Variants in CSMD1 observed in about 807,000 individuals in gnomAD.
CSMD1 encodes the protein CUB and Sushi multiple domains 1.
In CSMD1, 213 loss-of-function variants were observed where a neutral mutation model predicts 417.5. That is an observed-to-expected ratio of 0.51 (90% CI 0.46 to 0.57). CSMD1 has a LOEUF of 0.57. CSMD1 is among the 20% of genes least tolerant of loss of function. CSMD1 has a pLI of 0.00. For missense variants in CSMD1, 6,923 were observed against 4,529.7 expected (o/e 1.53, Z -15.17); for synonymous variants, 2,862 against 1,736.8 (o/e 1.65, Z -16.11).
chr8:4,190,770 A>G (rs969017012), intron 3 of CSMD1, among the ~76,000 whole-genome samples: 10 of 152,184 alleles, frequency 6.6e-5, no homozygotes, highest in African/African-American at 2.4e-4. Context: ...CTATGCGGCC[A>G]TTATAAAATG....
At chr8:3,968,225 T>A (rs1472821189) in intron 5 of CSMD1, among the ~76,000 whole-genome samples, 1 of 151,760 alleles carries the variant, frequency 6.6e-6, no homozygotes, top group Non-Finnish European at 1.5e-5. Flanking sequence ...TAAAAAACAA[T>A]GTGCCATAAT....
chr8:4,744,135 C>T (rs1422509799), intron 1 of CSMD1, among the ~76,000 whole-genome samples: 2 of 152,276 alleles, frequency 1.3e-5, no homozygotes, highest in East Asian at 1.9e-4. Context: ...TGCTCAGGGA[C>T]GCCAATTTCT....
intron 2 of CSMD1, among the ~76,000 whole-genome samples, chr8:4,601,206 T>G (rs1047107862): frequency 2.0e-5 from 3 of 152,130 alleles, no homozygotes; most frequent in African/African-American, 7.2e-5. Flanking sequence ...CCCCCACACT[T>G]TGGCCGCCCA....
intron 5 of CSMD1, chr8:3,949,846 G>A (rs2129860824): frequency 2.2e-6 from 1 of 451,708 alleles, no homozygotes. Context: ...TGATTGAGGG[G>A]ATCCCTGGGG....
intron 1 of CSMD1, among the ~76,000 whole-genome samples, chr8:4,639,251 ATTTTT>A (rs34704649): frequency 9.9e-5 from 13 of 131,448 alleles, no homozygotes; most frequent in South Asian, 2.5e-4. Context: ...GTGGTTGTCA[ATTTTT>A]TTTTTTTTTT....
At chr8:3,391,034 T>C (rs565597606) in intron 17 of CSMD1, among the ~76,000 whole-genome samples, 1 of 152,330 alleles carries the variant, frequency 6.6e-6, no homozygotes, top group East Asian at 1.9e-4. Context: ...CTCTCTCTCA[T>C]GTATGCATCC....
chr8:4,905,572 C>T (rs1259068743), intron 1 of CSMD1, among the ~76,000 whole-genome samples: 1 of 152,074 alleles, frequency 6.6e-6, no homozygotes, highest in Non-Finnish European at 1.5e-5. Flanking sequence ...GTAATCCCAG[C>T]ACTTTGGGAG....
In CSMD1 at chr8:3,367,096, A is replaced by C. The variant is rs1313423187; in HGVS notation, c.3051T>G (p.Thr1017=). The change falls in exon 20 of 70, where the codon ACT becomes ACG. Residue 1017 remains threonine, a synonymous_variant. Transcript: ENST00000635120. ...AGTCTGATATAAACCGAAGCTGGGC[A>C]GTGAAGTTTCCAAACAGGCCTGCCT... The part of the protein sequence containing the change: ...TIKAGLFGNF[T]AQLRFISDFS... 3 of 1,613,786 alleles carry C rather than the reference A, an allele frequency of 1.9e-6. No homozygotes were observed. The highest frequency in any genetic ancestry group is 2.5e-6 in the Non-Finnish European group (3 of 1,179,862).
At chr8:4,873,160 T>C (rs865889894) in intron 1 of CSMD1, among the ~76,000 whole-genome samples, 5 of 152,142 alleles carry the variant, frequency 3.3e-5, no homozygotes, top group Middle Eastern at 3.2e-3. Context: ...TTGGTCCTGA[T>C]TCATTTCAAA....
At chr8:3,376,354 T>G (rs116704925) in intron 18 of CSMD1, among the ~76,000 whole-genome samples, 1 of 152,044 alleles carries the variant, frequency 6.6e-6, no homozygotes, top group Non-Finnish European at 1.5e-5. Context: ...CATATTTGAA[T>G]TGGGAAGGAA....
At chr8:4,050,604 T>C (rs572482140) in intron 3 of CSMD1, among the ~76,000 whole-genome samples, 13 of 152,232 alleles carry the variant, frequency 8.5e-5, no homozygotes, top group African/African-American at 2.9e-4. Context: ...AATTAAATTA[T>C]TGCTTACAAG....
chr8:4,463,966 T>C (rs1207010533), intron 2 of CSMD1, among the ~76,000 whole-genome samples: 7 of 152,106 alleles, frequency 4.6e-5, no homozygotes, highest in African/African-American at 1.7e-4. Flanking sequence ...CAATATGGGA[T>C]ATTGAAATTC....
At chr8:4,027,568 C>G (rs75547807) in intron 4 of CSMD1, among the ~76,000 whole-genome samples, 1 of 152,124 alleles carries the variant, frequency 6.6e-6, no homozygotes, top group Admixed American at 6.5e-5. Context: ...TCCATCATAA[C>G]TGCATGGTTC....
At chr8:4,745,057 A>C (rs553003611) in intron 1 of CSMD1, among the ~76,000 whole-genome samples, 1 of 152,288 alleles carries the variant, frequency 6.6e-6, no homozygotes, top group Admixed American at 6.5e-5. Flanking sequence ...TTTTTATATA[A>C]ATTTAGTTTT....
intron 5 of CSMD1, among the ~76,000 whole-genome samples, chr8:3,875,853 T>C (rs1453500334): frequency 1.3e-5 from 2 of 152,212 alleles, no homozygotes; most frequent in Non-Finnish European, 2.9e-5. Context: ...GATTGCCTTT[T>C]GGAAACACTA....
At chr8:4,097,871 G>A (rs28526725) in intron 3 of CSMD1, among the ~76,000 whole-genome samples, 7 of 152,114 alleles carry the variant, frequency 4.6e-5, no homozygotes, top group African/African-American at 1.2e-4. Flanking sequence ...GTGTGACTAC[G>A]TCTATCCATG....
chr8:4,470,836 G>C (rs996957446), intron 2 of CSMD1, among the ~76,000 whole-genome samples: 1 of 152,072 alleles, frequency 6.6e-6, no homozygotes, highest in African/African-American at 2.4e-5. Context: ...TGTTGTCTCT[G>C]GGCTTCTTTG....
chr8:3,016,501 G>A (rs1028462383), intron 52 of CSMD1, among the ~76,000 whole-genome samples: 1 of 152,144 alleles, frequency 6.6e-6, no homozygotes, highest in Admixed American at 6.5e-5. Context: ...TGCTTCACAC[G>A]TTATGAATCT....
rs1264202207 is a variant in CSMD1 at position 4,077,291 on chromosome 8, A to ATG, written c.416-45193_416-45192insCA. On this transcript the variant is annotated intron_variant, in intron 3 of 69. Transcript: ENST00000635120. Reference sequence around the variant, plus strand: ...GCCCATTTGTCACCTATATATATATATATGTGTATATATATATATATATAT... The same window carrying ATG: ...GCCCATTTGTCACCTATATATATATATGTATGTGTATATATATATATATATAT... Among the ~76,000 whole-genome samples the ATG allele has an allele frequency of 3.9e-4, 36 of 92,272 alleles. 1 individual carries two copies. The highest frequency in any genetic ancestry group is 2.5e-5 in the Non-Finnish European group (1 of 39,984). 60.5% of individuals were successfully genotyped at this position (92,272 alleles called of 152,430 possible). A position where few individuals can be genotyped will look rare whatever the true frequency, so the allele number is the denominator to read the frequency against.
Sources: allele counts gnomAD v4.1 joint callset (sites outside exome capture counted in the v4.1 genomes callset), GRCh38; gene constraint gnomAD v4.1.1; transcripts MANE v1.5; gene names NCBI Gene and HGNC (gene_info 2026-07-23, HGNC 2026-07-21).